The following ADAM32 variants were observed in gnomAD, a reference collection of about 807,000 sequenced individuals.
ADAM32 encodes the protein ADAM metallopeptidase domain 32, also known as disintegrin and metalloproteinase domain-containing protein 32.
In ADAM32, 89 loss-of-function variants were observed where a neutral mutation model predicts 114.9. The observed-to-expected ratio is 0.77, with a 90% CI of 0.65 to 0.92. The LOEUF is 0.92. Among genes scored for constraint, ADAM32 ranks in the 40% least tolerant of loss-of-function variants. The pLI, the probability that ADAM32 is intolerant of heterozygous loss-of-function variation, is 0.00. For missense variants in ADAM32, 870 were observed against 932.8 expected, an observed-to-expected ratio of 0.93 and a Z score of 0.88; for synonymous variants, 285 against 307.5, an observed-to-expected ratio of 0.93 and a Z score of 0.77.
rs372640284 is a variant in ADAM32 at position 39,195,238 on chromosome 8, G to A, written c.1052+8193G>A. Among the ~76,000 whole-genome samples the A allele has an allele frequency of 3.4e-3, 519 of 152,204 alleles. 7 individuals carry two copies. The highest frequency in any genetic ancestry group is 0.011 in the African/African-American group (472 of 41,534). On this transcript the variant is annotated intron_variant, in intron 11 of 24. Coordinates refer to ENST00000379907, the MANE Select transcript of ADAM32 (RefSeq NM_145004.7). ...AGTGGCAGATGTTATTCCTGGCTGCGTCTAATTGGCCACCTTGCCACCTCT... is the reference window on the plus strand; with the variant it reads ...AGTGGCAGATGTTATTCCTGGCTGCATCTAATTGGCCACCTTGCCACCTCT...
chr8:39,167,436 G>A (rs927425940), intron 9 of ADAM32: 1 of 152,124 alleles, frequency 6.6e-6, no homozygotes, highest in Non-Finnish European at 1.5e-5. Context: ...TGCTGTTTTG[G>A]TGACTATGGC....
chr8:39,218,685 G>C (rs920270515), intron 12 of ADAM32, among the ~76,000 whole-genome samples: 5 of 152,132 alleles, frequency 3.3e-5, no homozygotes, highest in Non-Finnish European at 7.3e-5. Context: ...GGCCACCACT[G>C]ATGTTGAGTT....
At chr8:39,116,831 G>A (rs937403613) in intron 1 of ADAM32, among the ~76,000 whole-genome samples, 5 of 152,026 alleles carry the variant, frequency 3.3e-5, no homozygotes, top group Non-Finnish European at 5.9e-5. Context: ...TAGAGAAAAG[G>A]CTTTCAACTT....
At chr8:39,159,422 A>C (rs986032395) in intron 6 of ADAM32, among the ~76,000 whole-genome samples, 1 of 152,196 alleles carries the variant, frequency 6.6e-6, no homozygotes, top group Non-Finnish European at 1.5e-5. Flanking sequence ...ACAATGTCTG[A>C]AAGCCAGGCA....
intron 3 of ADAM32, among the ~76,000 whole-genome samples, chr8:39,140,728 G>GTA (rs1358032812): frequency 6.6e-6 from 1 of 152,128 alleles, no homozygotes; most frequent in Non-Finnish European, 1.5e-5. Flanking sequence ...AGAAGGAATG[G>GTA]TACCAGCTAC....
intron 10 of ADAM32, among the ~76,000 whole-genome samples, chr8:39,185,924 AGGGCTTCCTCT>A (rs1012235574): frequency 1.1e-4 from 17 of 150,292 alleles, no homozygotes; most frequent in Non-Finnish European, 2.1e-4. Flanking sequence ...TTGTTTGGAG[AGGGCTTCCTCT>A]GCTGGCAAGG....
rs1266312758 is a variant in ADAM32, at chr8:39,221,608, A to G, written c.1234-2A>G. The stretch of plus-strand genomic sequence containing the variant: ...TTACTTGTACATTTCACTAATTCAT[A>G]GCAATGTGGACCTGCAAGCTGTTGT... On this transcript the variant is annotated splice_acceptor_variant, in intron 12 of 24. Transcript: ENST00000379907. LOFTEE classifies it high-confidence loss of function. 1 of 1,607,212 alleles carries G rather than the reference A, an allele frequency of 6.2e-7. No homozygotes were observed. The highest frequency in any genetic ancestry group is 8.5e-7 in the Non-Finnish European group (1 of 1,174,796).
At chr8:39,199,401 A>G (rs1238751198) in intron 11 of ADAM32, among the ~76,000 whole-genome samples, 1 of 152,178 alleles carries the variant, frequency 6.6e-6, no homozygotes, top group African/African-American at 2.4e-5. Flanking sequence ...ATATATGTAT[A>G]TAATTTGTCT....
intron 2 of ADAM32, among the ~76,000 whole-genome samples, chr8:39,125,378 A>G (rs1034701867): frequency 3.9e-5 from 6 of 151,922 alleles, no homozygotes; most frequent in Admixed American, 3.9e-4. Flanking sequence ...TGCCTGTCCT[A>G]CTATTGTGTT....
chr8:39,131,484 G>T (rs1802451922), intron 2 of ADAM32, among the ~76,000 whole-genome samples: 1 of 152,156 alleles, frequency 6.6e-6, no homozygotes, highest in Non-Finnish European at 1.5e-5. Context: ...GAATGAGACT[G>T]TCAGTAGTTT....
At chr8:39,143,554 A>G (rs756939985) in intron 3 of ADAM32, among the ~76,000 whole-genome samples, 17 of 152,252 alleles carry the variant, frequency 1.1e-4, no homozygotes, top group African/African-American at 1.7e-4. Flanking sequence ...AGAACAGCCA[A>G]TATTGATGCC....
At chr8:39,232,586 A>T (rs1208254027) in intron 15 of ADAM32, among the ~76,000 whole-genome samples, 1 of 152,198 alleles carries the variant, frequency 6.6e-6, no homozygotes, top group African/African-American at 2.4e-5. Flanking sequence ...GCTAAATCCT[A>T]GTTAGCAAAT....
intron 2 of ADAM32, among the ~76,000 whole-genome samples, chr8:39,132,190 G>T (rs1458314238): frequency 2.0e-5 from 3 of 152,214 alleles, no homozygotes; most frequent in Non-Finnish European, 2.9e-5. Flanking sequence ...ACTGCGCCTG[G>T]CCCAATCGGA....
At chr8:39,277,323 T>C (rs1813137258) in intron 22 of ADAM32, among the ~76,000 whole-genome samples, 1 of 152,252 alleles carries the variant, frequency 6.6e-6, no homozygotes, top group African/African-American at 2.4e-5. Context: ...CACCAGGGAA[T>C]CATTTTAGAA....
At chr8:39,212,052 T>C (rs924696188) in intron 12 of ADAM32, among the ~76,000 whole-genome samples, 4 of 152,302 alleles carry the variant, frequency 2.6e-5, no homozygotes, top group South Asian at 4.1e-4. Flanking sequence ...GTTTTGCTCT[T>C]GTTGCCCAGG....
chr8:39,216,005 T>G (rs1009782610), intron 12 of ADAM32, among the ~76,000 whole-genome samples: 1 of 152,014 alleles, frequency 6.6e-6, no homozygotes, highest in South Asian at 2.1e-4. Context: ...GATGTCAAAG[T>G]CTCCAGCTGT....
At chr8:39,276,536 G>C (rs945893118) in intron 22 of ADAM32, among the ~76,000 whole-genome samples, 7 of 152,178 alleles carry the variant, frequency 4.6e-5, no homozygotes, top group Admixed American at 2.0e-4. Context: ...TAGGGGGCTA[G>C]TGTTATTCTT....
chr8:39,230,538 T>A (rs1419787185), intron 14 of ADAM32, among the ~76,000 whole-genome samples: 1 of 152,180 alleles, frequency 6.6e-6, no homozygotes, highest in African/African-American at 2.4e-5. Context: ...CTTCGGATAA[T>A]CTCTCAGTGT....
intron 1 of ADAM32, among the ~76,000 whole-genome samples, chr8:39,115,053 T>C (rs886577761): frequency 3.9e-5 from 6 of 152,162 alleles, no homozygotes; most frequent in African/African-American, 1.2e-4. Context: ...CGTGATTTCA[T>C]TTTTTTATGG....
Sources: gnomAD v4.1 joint callset for allele counts (sites outside exome capture counted in the v4.1 genomes callset) on GRCh38, gnomAD v4.1.1 for gene constraint, MANE v1.5 for transcripts, NCBI Gene and HGNC (gene_info 2026-07-23, HGNC 2026-07-21) for gene names.